The following CTNND2 variants were observed in gnomAD, a reference collection of about 807,000 sequenced individuals.
CTNND2 encodes the protein catenin delta 2.
A neutral mutation model predicts 144.4 loss-of-function variants in CTNND2; 22 were observed. That is an observed-to-expected ratio of 0.15 (90% confidence interval 0.11 to 0.22). CTNND2 has a LOEUF of 0.22. Ranked by LOEUF, CTNND2 falls within the 10% of genes least tolerant of loss-of-function variation. The probability of loss-of-function intolerance (pLI) is 1.00; values close to 1 mark genes in which losing one functional copy is unlikely to be tolerated. For synonymous variants in CTNND2, 751 were observed against 695.6 expected, an observed-to-expected ratio of 1.08 and a Z score of -1.25; for missense variants, 1,353 against 1,618.8, an observed-to-expected ratio of 0.84 and a Z score of 2.82.
intron 9 of CTNND2, among the ~76,000 whole-genome samples, chr5:11,273,408 C>G (rs747815693): frequency 6.6e-6 from 1 of 152,186 alleles, no homozygotes. Context: ...GAGCCAGATG[C>G]AAAACCGTCC....
intron 9 of CTNND2, among the ~76,000 whole-genome samples, chr5:11,297,116 A>C (rs75808768): frequency 0.05 from 7,686 of 152,300 alleles, 349 homozygotes; most frequent in African/African-American, 0.12. Context: ...AAGTCAGCCC[A>C]GTATGTGCCA....
chr5:11,455,408 A>G (rs1765647513), intron 3 of CTNND2, among the ~76,000 whole-genome samples: 1 of 152,220 alleles, frequency 6.6e-6, no homozygotes, highest in Admixed American at 6.5e-5. Flanking sequence ...CACTATGATC[A>G]TGATCTTTCC....
chr5:11,352,904 TAAA>T (rs1561264604), intron 8 of CTNND2, among the ~76,000 whole-genome samples: 1 of 152,076 alleles, frequency 6.6e-6, no homozygotes, highest in Non-Finnish European at 1.5e-5. Context: ...AGCGAATTAA[TAAA>T]AAAGGAAAGA....
intron 20 of CTNND2, among the ~76,000 whole-genome samples, chr5:10,984,577 T>C (rs1435944363): frequency 6.6e-6 from 1 of 152,114 alleles, no homozygotes; most frequent in African/African-American, 2.4e-5. Context: ...TGGAAGTTCT[T>C]TCCCCTCACT....
chr5:11,288,729 G>A (rs1168926434), intron 9 of CTNND2, among the ~76,000 whole-genome samples: 1 of 151,670 alleles, frequency 6.6e-6, no homozygotes, highest in African/African-American at 2.4e-5. Flanking sequence ...TAAGAGATCA[G>A]TGGATGGGAT....
chr5:11,054,945 C>T (rs1316071778), intron 16 of CTNND2, among the ~76,000 whole-genome samples: 2 of 152,106 alleles, frequency 1.3e-5, no homozygotes, highest in African/African-American at 2.4e-5. Context: ...TGACTGAGAG[C>T]CTTAATGTGT....
chr5:11,415,562 C>T (rs996038993), intron 3 of CTNND2, among the ~76,000 whole-genome samples: 3 of 152,036 alleles, frequency 2.0e-5, no homozygotes, highest in African/African-American at 4.8e-5. Flanking sequence ...GCTGAGATTG[C>T]GCCACTGTCC....
At chr5:11,718,787 T>C (rs1203804654) in intron 2 of CTNND2, among the ~76,000 whole-genome samples, 1 of 152,206 alleles carries the variant, frequency 6.6e-6, no homozygotes, top group Non-Finnish European at 1.5e-5. Context: ...ATAAGTTAAA[T>C]TCTGAAAGCT....
intron 3 of CTNND2, among the ~76,000 whole-genome samples, chr5:11,504,273 C>T (rs543784844): frequency 6.6e-6 from 1 of 152,236 alleles, no homozygotes; most frequent in African/African-American, 2.4e-5. Context: ...CTGCTGCTGC[C>T]GCTGCTGCTG....
At chr5:11,171,182 A>G (rs997339958) in intron 11 of CTNND2, among the ~76,000 whole-genome samples, 3 of 152,144 alleles carry the variant, frequency 2.0e-5, no homozygotes, top group African/African-American at 7.2e-5. Context: ...ACCATGTCAC[A>G]TGCACTATTT....
At chr5:11,553,875 T>C (rs568238003) in intron 3 of CTNND2, among the ~76,000 whole-genome samples, 2 of 152,252 alleles carry the variant, frequency 1.3e-5, no homozygotes, top group East Asian at 1.9e-4. Flanking sequence ...TGTTTTTAGA[T>C]GTAAAATTAA....
chr5:11,805,433 C>T (rs2126896341), intron 1 of CTNND2, among the ~76,000 whole-genome samples: 1 of 152,072 alleles, frequency 6.6e-6, no homozygotes, highest in Admixed American at 6.6e-5. Flanking sequence ...ATCACGGCTC[C>T]TGGAAGAAAT....
At chr5:11,369,682 T>A (rs79976016) in intron 7 of CTNND2, among the ~76,000 whole-genome samples, 2,484 of 152,270 alleles carry the variant, frequency 0.016, 32 homozygotes, top group Admixed American at 0.034. Flanking sequence ...TGAAAATAAG[T>A]TATTACATGC....
chr5:11,119,307 A>G (rs1352313399), intron 12 of CTNND2, among the ~76,000 whole-genome samples: 1 of 152,240 alleles, frequency 6.6e-6, no homozygotes, highest in African/African-American at 2.4e-5. Context: ...AGGCTCTATC[A>G]GCAGCATTTT....
At chr5:11,670,292 C>T (rs1783814360) in intron 2 of CTNND2, among the ~76,000 whole-genome samples, 1 of 152,122 alleles carries the variant, frequency 6.6e-6, no homozygotes, top group African/African-American at 2.4e-5. Flanking sequence ...GAGTTCAAGT[C>T]CTGAATATCC....
intron 1 of CTNND2, among the ~76,000 whole-genome samples, chr5:11,800,213 C>A (rs1791604338): frequency 6.6e-6 from 1 of 152,132 alleles, no homozygotes; most frequent in Non-Finnish European, 1.5e-5. Flanking sequence ...GAATTACTCC[C>A]ACTATAGAGT....
chr5:10,974,966 T>C (rs1313248291), intron 21 of CTNND2, among the ~76,000 whole-genome samples: 1 of 152,184 alleles, frequency 6.6e-6, no homozygotes, highest in Non-Finnish European at 1.5e-5. Flanking sequence ...ACAGCAGCTG[T>C]CTAGGATGTC....
chr5:11,303,892 A>G lies in CTNND2; in HGVS notation c.1628+42480T>C, dbSNP rs147790241. 1.7e-3 allele frequency among the ~76,000 whole-genome samples: 259 copies of G among 152,284 alleles called. 3 individuals are homozygous for G. The East Asian group carries it at 0.043, about 25-fold the overall frequency. On this transcript the variant is annotated intron_variant, in intron 9 of 21. Coordinates refer to ENST00000304623, the MANE Select transcript of CTNND2 (RefSeq NM_001332.4). ...TGTGGGAGGGACCTGGTGGGAGATA[A>G]CTGAATCATGGGGGCGGTTTCCCCC...
intron 1 of CTNND2, among the ~76,000 whole-genome samples, chr5:11,825,502 G>C (rs1793552536): frequency 1.3e-5 from 2 of 151,996 alleles, no homozygotes; most frequent in African/African-American, 4.8e-5. Flanking sequence ...CAGAAGAAGA[G>C]GAAAGAATGA....
Sources: allele counts gnomAD v4.1 joint callset (sites outside exome capture counted in the v4.1 genomes callset), GRCh38; gene constraint gnomAD v4.1.1; transcripts MANE v1.5; gene names NCBI Gene and HGNC (gene_info 2026-07-23, HGNC 2026-07-21).